The following SPON1 variants were observed in gnomAD, a reference collection of about 807,000 sequenced individuals.
The protein encoded by SPON1 is spondin-1.
A neutral mutation model predicts 111.7 loss-of-function variants in SPON1; 52 were observed. The ratio of observed to expected loss-of-function variants is 0.47; its 90% CI spans 0.37 to 0.59. The LOEUF (loss-of-function observed/expected upper bound fraction) is 0.59. Among genes scored for constraint, SPON1 ranks in the 20% least tolerant of loss-of-function variants. SPON1 has a pLI of 0.00. For missense variants in SPON1, 957 were observed against 1,068.5 expected (o/e 0.90, Z 1.46); for synonymous variants, 410 against 395.8 (o/e 1.04, Z -0.43).
At chr11:14,102,214 GCAATAC>G (rs1303986272) in intron 5 of SPON1, among the ~76,000 whole-genome samples, 1 of 151,978 alleles carries the variant, frequency 6.6e-6, no homozygotes, top group East Asian at 1.9e-4. Context: ...GTTCTCCAAA[GCAATAC>G]TGTATCATAT....
Position 14,262,786 on chromosome 11 carries a change from C to T in SPON1, c.2071C>T (p.Arg691Ter). Residue 691 changes from arginine to a stop codon, truncating the protein, a stop_gained, in exon 15 of 16, where the codon CGA (arginine) becomes TGA (stop). Coordinates refer to ENST00000576479, the MANE Select transcript of SPON1 (RefSeq NM_006108.4). LOFTEE classifies it high-confidence loss of function. The part of the protein sequence containing the change: ...NKSCGKGHVI[R>*]TRMIQMEPQF... The stretch of plus-strand genomic sequence containing the variant: ...GTCATGTGGGAAAGGCCACGTGATT[C>T]GAACCCGGATGATCCAAATGGAGCC... The T allele has an allele frequency of 6.2e-7, 1 of 1,613,924 alleles. No individual in the cohort carries two copies. The highest frequency in any genetic ancestry group is 8.5e-7 in the Non-Finnish European group (1 of 1,179,882).
At chr11:14,045,340 C>T (rs887641684) in intron 3 of SPON1, among the ~76,000 whole-genome samples, 1 of 152,074 alleles carries the variant, frequency 6.6e-6, no homozygotes, top group Non-Finnish European at 1.5e-5. Flanking sequence ...GAGGCCGAGC[C>T]GAGAGGGGGG....
At chr11:14,040,535 T>C (rs1848624199) in intron 2 of SPON1, among the ~76,000 whole-genome samples, 1 of 152,180 alleles carries the variant, frequency 6.6e-6, no homozygotes, top group South Asian at 2.1e-4. Flanking sequence ...CTTTGTCCAG[T>C]GATAAAATTA....
At chr11:14,101,261 G>A (rs1400260505) in intron 5 of SPON1, among the ~76,000 whole-genome samples, 7 of 151,996 alleles carry the variant, frequency 4.6e-5, no homozygotes, top group Non-Finnish European at 1.0e-4. Context: ...TTAGCCGGGA[G>A]TGGTGGTGCA....
At chr11:14,208,130 C>T (rs1564931351) in intron 6 of SPON1, among the ~76,000 whole-genome samples, 1 of 152,054 alleles carries the variant, frequency 6.6e-6, no homozygotes, top group Non-Finnish European at 1.5e-5. Flanking sequence ...ACATGTTCTC[C>T]CTTATAAATG....
At chr11:14,090,627 T>G (rs921028576) in intron 5 of SPON1, among the ~76,000 whole-genome samples, 27 of 152,076 alleles carry the variant, frequency 1.8e-4, no homozygotes, top group African/African-American at 6.3e-4. Flanking sequence ...CCTGGTGGGC[T>G]CGTGGTCTGG....
rs782465866 is a variant in SPON1 at position 14,135,471 on chromosome 11, A to G, written c.728A>G (p.Tyr243Cys). ...ATCGGAGGATCCCACTCCAAGAATTATGTACTGTGGGAATATGGAGGATAT... is the reference window on the plus strand; with the variant it reads ...ATCGGAGGATCCCACTCCAAGAATTGTGTACTGTGGGAATATGGAGGATAT... ...AIIGGSHSKN[Y>C]VLWEYGGYAS... is the part of the protein sequence containing the mutation. Residue 243 changes from tyrosine to cysteine, a missense_variant, in exon 6 of 16, where the codon TAT becomes TGT. Tyr to Cys is a radical substitution (Grantham distance 194, BLOSUM62 -2). Transcript: ENST00000576479. The surrounding 1 kb of genome is among the most constrained non-coding windows in gnomAD (Gnocchi z 4.4). 8 of 1,613,840 alleles carry G rather than the reference A, an allele frequency of 5.0e-6. No homozygotes were observed. Among genetic ancestry groups the G allele is most frequent in the Non-Finnish European group, 5.1e-6 (6 of 1,179,760 alleles).
At chr11:14,065,265 A>G (rs1314925173) in intron 3 of SPON1, among the ~76,000 whole-genome samples, 1 of 152,230 alleles carries the variant, frequency 6.6e-6, no homozygotes, top group East Asian at 1.9e-4. Context: ...GTGCTCTTGC[A>G]GTCAGCCCTA....
At position 14,241,277 on chromosome 11, in the gene SPON1, G is replaced by GA. The variant is rs1172686108; in HGVS notation, c.826-2047dup. On this transcript the variant is annotated intron_variant, in intron 6 of 15. Coordinates refer to ENST00000576479, the MANE Select transcript of SPON1 (RefSeq NM_006108.4). ...TATTATTCTGGAATTAAAAATCAAA[G>GA]AAAAAAAAGTGGAGCAGAACTAGAT... Among the ~76,000 whole-genome samples, 21 of 151,808 alleles carry GA rather than the reference G, an allele frequency of 1.4e-4. No individual in the cohort carries two copies. The East Asian group carries it at 3.5e-3, about 25-fold the overall frequency.
intron 6 of SPON1, among the ~76,000 whole-genome samples, chr11:14,180,277 G>A (rs140703038): frequency 3.3e-5 from 5 of 152,308 alleles, no homozygotes; most frequent in Admixed American, 1.3e-4. Context: ...ACTTAAATTT[G>A]TCAGTGTAAT....
intron 2 of SPON1, among the ~76,000 whole-genome samples, chr11:14,003,145 T>C (rs1415654222): frequency 6.6e-6 from 1 of 152,182 alleles, no homozygotes; most frequent in South Asian, 2.1e-4. Context: ...ATTCCTAGAA[T>C]ATTCTCTTCT....
intron 3 of SPON1, among the ~76,000 whole-genome samples, chr11:14,067,936 C>G (rs1848845387): frequency 6.6e-6 from 1 of 152,218 alleles, no homozygotes; most frequent in Non-Finnish European, 1.5e-5. Flanking sequence ...ATCACACAAA[C>G]AATAGCTTAT....
At chr11:14,023,187 T>C (rs1848493381) in intron 2 of SPON1, among the ~76,000 whole-genome samples, 2 of 152,106 alleles carry the variant, frequency 1.3e-5, no homozygotes, top group African/African-American at 2.4e-5. Flanking sequence ...AAAGTTTGGA[T>C]TTTAAGTGTA....
intron 6 of SPON1, among the ~76,000 whole-genome samples, chr11:14,138,196 T>A (rs1400227333): frequency 6.6e-6 from 1 of 152,214 alleles, no homozygotes; most frequent in Non-Finnish European, 1.5e-5. Context: ...AAGACATTTA[T>A]ATGCTTACCA....
intron 4 of SPON1, among the ~76,000 whole-genome samples, chr11:14,075,705 G>T (rs1217501264): frequency 6.6e-6 from 1 of 152,118 alleles, no homozygotes; most frequent in Non-Finnish European, 1.5e-5. Flanking sequence ...AGGTTCCTTG[G>T]AATAATTCAC....
At chr11:13,972,596 A>G (rs1270219320) in intron 1 of SPON1, among the ~76,000 whole-genome samples, 6 of 152,206 alleles carry the variant, frequency 3.9e-5, no homozygotes, top group African/African-American at 1.2e-4. Context: ...CATTCCTTAG[A>G]GTCTTTCTCT....
At chr11:14,130,051 A>G (rs1449104328) in intron 5 of SPON1, among the ~76,000 whole-genome samples, 3 of 152,220 alleles carry the variant, frequency 2.0e-5, no homozygotes, top group African/African-American at 4.8e-5. Context: ...TCAATAGTCA[A>G]TAGTCAAATA....
chr11:14,048,815 G>T (rs1382000871), intron 3 of SPON1, among the ~76,000 whole-genome samples: 1 of 152,196 alleles, frequency 6.6e-6, no homozygotes. Context: ...CTCATGAAGT[G>T]ATCCTCTGTT....
intron 7 of SPON1, among the ~76,000 whole-genome samples, chr11:14,244,265 A>T (rs1230770292): frequency 6.6e-6 from 1 of 152,174 alleles, no homozygotes; most frequent in Non-Finnish European, 1.5e-5. Context: ...TTACGCTGTA[A>T]TCTCAGCATT....
Sources: gnomAD v4.1 joint callset for allele counts (sites outside exome capture counted in the v4.1 genomes callset) on GRCh38, gnomAD v4.1.1 for gene constraint, Gnocchi (gnomAD v3.1) non-coding constraint, MANE v1.5 for transcripts, NCBI Gene and HGNC (gene_info 2026-07-23, HGNC 2026-07-21) for gene names.